TAF3: variants seen among roughly 807,000 people sequenced by gnomAD.
TAF3 encodes the protein transcription initiation factor TFIID subunit 3.
TAF3 carries 7 observed loss-of-function variants against 80.6 expected under a neutral mutation model. The observed-to-expected ratio is 0.09, with a 90% CI of 0.05 to 0.16. The LOEUF (loss-of-function observed/expected upper bound fraction) is 0.16, where lower values mean the gene tolerates loss of function less well. Ranked by LOEUF, TAF3 falls within the 10% of genes least tolerant of loss-of-function variation. The probability of loss-of-function intolerance (pLI) is 1.00; values close to 1 mark genes in which losing one functional copy is unlikely to be tolerated. For missense variants in TAF3, 921 were observed against 1,140.2 expected (o/e 0.81, Z 2.77); for synonymous variants, 444 against 446.1 (o/e 1.00, Z 0.06).
intron 2 of TAF3, among the ~76,000 whole-genome samples, chr10:7,922,183 G>T (rs967050552): frequency 6.6e-6 from 1 of 151,960 alleles, no homozygotes. Flanking sequence ...TATTATAATC[G>T]AGTACTTCTG....
intron 1 of TAF3, among the ~76,000 whole-genome samples, chr10:7,819,334 C>T (rs1836666399): frequency 6.6e-6 from 1 of 152,070 alleles, no homozygotes; most frequent in African/African-American, 2.4e-5. Flanking sequence ...GGGCTCCTAA[C>T]TACATAGACT....
At chr10:7,850,862 T>G (rs906024679) in intron 2 of TAF3, among the ~76,000 whole-genome samples, 8 of 152,176 alleles carry the variant, frequency 5.3e-5, no homozygotes, top group Non-Finnish European at 1.2e-4. Flanking sequence ...TCTCTGTGTT[T>G]ATGGTGCTTT....
At chr10:7,974,639 A>G (rs1440569094) in intron 3 of TAF3, among the ~76,000 whole-genome samples, 8 of 152,180 alleles carry the variant, frequency 5.3e-5, no homozygotes, top group African/African-American at 1.9e-4. Flanking sequence ...AAACTGGGAC[A>G]TGAGGACATT....
intron 4 of TAF3, among the ~76,000 whole-genome samples, chr10:7,994,760 C>T (rs112815233): frequency 0.07 from 10,471 of 149,442 alleles, 1,244 homozygotes; most frequent in African/African-American, 0.24. Context: ...GTCAGGAGAT[C>T]GAGACCATCC....
chr10:7,911,141 A>G (rs1837653473), intron 2 of TAF3, among the ~76,000 whole-genome samples: 1 of 152,194 alleles, frequency 6.6e-6, no homozygotes, highest in Non-Finnish European at 1.5e-5. Context: ...CTTTTAAAGA[A>G]GGTGCTTTAA....
At chr10:7,941,932 A>T (rs1216204645) in intron 2 of TAF3, among the ~76,000 whole-genome samples, 3 of 152,094 alleles carry the variant, frequency 2.0e-5, no homozygotes, top group African/African-American at 7.2e-5. Context: ...TTTGTTTTTA[A>T]TAATTATATA....
chr10:7,888,266 TA>T (rs1837427970), intron 2 of TAF3, among the ~76,000 whole-genome samples: 1 of 152,188 alleles, frequency 6.6e-6, no homozygotes, highest in South Asian at 2.1e-4. Context: ...CTTTACTCCT[TA>T]ACCTTCCTAA....
intron 4 of TAF3, among the ~76,000 whole-genome samples, chr10:8,003,442 A>G (rs945670706): frequency 8.5e-5 from 13 of 152,212 alleles, no homozygotes; most frequent in Non-Finnish European, 1.6e-4. Context: ...AAACACTTGG[A>G]AGATCTTTAT....
intron 2 of TAF3, among the ~76,000 whole-genome samples, chr10:7,937,334 T>A (rs1408535001): frequency 6.6e-6 from 1 of 152,260 alleles, no homozygotes; most frequent in Non-Finnish European, 1.5e-5. Flanking sequence ...CTCTGCATTC[T>A]TTCCAGGATT....
intron 2 of TAF3, among the ~76,000 whole-genome samples, chr10:7,866,831 A>G (rs186733282): frequency 6.6e-6 from 1 of 152,250 alleles, no homozygotes; most frequent in Admixed American, 6.5e-5. Context: ...GAAAACAAAG[A>G]GAAGTGGTTT....
chr10:7,896,092 G>A (rs150866109), intron 2 of TAF3, among the ~76,000 whole-genome samples: 221 of 152,264 alleles, frequency 1.5e-3, no homozygotes, highest in Non-Finnish European at 2.4e-3. Flanking sequence ...TAACTGCATC[G>A]GTTGCTGCTG....
intron 2 of TAF3, among the ~76,000 whole-genome samples, chr10:7,863,687 A>ACATATATATATC: frequency 1.1e-5 from 1 of 94,834 alleles, no homozygotes; most frequent in Admixed American, 1.3e-4. Context: ...ATATATATAC[A>ACATATATATATC]CACACATATA....
chr10:7,887,770 G>T (rs1208904508), intron 2 of TAF3, among the ~76,000 whole-genome samples: 2 of 151,696 alleles, frequency 1.3e-5, no homozygotes, highest in Admixed American at 1.3e-4. Flanking sequence ...AAGATCCCTG[G>T]TTATACCTTT....
intron 2 of TAF3, among the ~76,000 whole-genome samples, chr10:7,855,565 G>A (rs1039123671): frequency 2.6e-5 from 4 of 152,144 alleles, no homozygotes; most frequent in African/African-American, 9.7e-5. Context: ...GATATTGATG[G>A]TAGGCATTTC....
intron 2 of TAF3, among the ~76,000 whole-genome samples, chr10:7,856,858 C>CAAAAAA (rs57207229): frequency 1.1e-5 from 1 of 91,156 alleles, no homozygotes; most frequent in African/African-American, 4.1e-5. Flanking sequence ...AGCTGGTTCT[C>CAAAAAA]AAAAAAAAAA....
intron 2 of TAF3, among the ~76,000 whole-genome samples, chr10:7,929,200 A>G (rs1250156424): frequency 6.6e-6 from 1 of 152,048 alleles, no homozygotes; most frequent in African/African-American, 2.4e-5. Flanking sequence ...TACTATAACT[A>G]GAATTATGAA....
intron 2 of TAF3, among the ~76,000 whole-genome samples, chr10:7,937,981 C>A (rs534848626): frequency 9.2e-5 from 14 of 152,212 alleles, no homozygotes; most frequent in Admixed American, 7.2e-4. Flanking sequence ...TTGAGGGCCG[C>A]TTAGAGGGGA....
intron 2 of TAF3, among the ~76,000 whole-genome samples, chr10:7,924,609 G>A (rs1431608411): frequency 5.9e-5 from 9 of 152,112 alleles, no homozygotes; most frequent in African/African-American, 1.9e-4. Context: ...TTAAGAATGC[G>A]CTATCTTGGT....
chr10:7,945,622 A>C (rs1327297215), intron 2 of TAF3, among the ~76,000 whole-genome samples: 1 of 150,732 alleles, frequency 6.6e-6, no homozygotes, highest in African/African-American at 2.5e-5. Context: ...GTAACTACCC[A>C]CCCGGCTACA....
Sources: gnomAD v4.1 joint callset for allele counts (sites outside exome capture counted in the v4.1 genomes callset) on GRCh38, gnomAD v4.1.1 for gene constraint, MANE v1.5 for transcripts, NCBI Gene and HGNC (gene_info 2026-07-23, HGNC 2026-07-21) for gene names.